The following SHROOM3 variants were observed in gnomAD, a reference collection of about 807,000 sequenced individuals.
The protein encoded by SHROOM3 is protein Shroom3.
In SHROOM3, 47 loss-of-function variants were observed where a neutral mutation model predicts 138.6. The observed-to-expected ratio is 0.34, with a 90% confidence interval of 0.27 to 0.43. SHROOM3 has a LOEUF of 0.43. SHROOM3 is among the 20% of genes least tolerant of loss of function. The probability of loss-of-function intolerance (pLI) is 1.00; values close to 1 mark genes in which losing one functional copy is unlikely to be tolerated. For synonymous variants in SHROOM3, 1,062 were observed against 1,063.3 expected (o/e 1.00, Z 0.02); for missense variants, 2,491 against 2,596.5 (o/e 0.96, Z 0.88).
intron 1 of SHROOM3, among the ~76,000 whole-genome samples, chr4:76,494,590 A>C (rs1436551461): frequency 6.6e-6 from 1 of 152,230 alleles, no homozygotes; most frequent in Non-Finnish European, 1.5e-5. Context: ...ATCAGGCGGA[A>C]CATACTGATA....
chr4:76,739,291 C>T lies in SHROOM3; in HGVS notation c.1118C>T (p.Thr373Met), dbSNP rs138985148. 12 of 1,613,872 alleles carry T rather than the reference C, an allele frequency of 7.4e-6. No homozygotes were observed. The highest frequency in any genetic ancestry group is 2.2e-5 in the East Asian group (1 of 44,892). The change falls in exon 5 of 11, where the codon ACG becomes ATG. Residue 373 changes from threonine to methionine, a missense_variant. Coordinates refer to ENST00000296043, the MANE Select transcript of SHROOM3 (RefSeq NM_020859.4). Reference sequence around the variant, plus strand: ...TGCCCCAGTTCCTTGGAGACTGCCACGGACAACCTTCCTCCTAAGGTGGGT... The same window carrying T: ...TGCCCCAGTTCCTTGGAGACTGCCATGGACAACCTTCCTCCTAAGGTGGGT... Reference protein sequence around the residue: ...QQCPSSLETATDNLPPKVGAP... With the variant: ...QQCPSSLETAMDNLPPKVGAP...
At chr4:76,674,511 TTCTC>T (rs1161418575) in intron 2 of SHROOM3, among the ~76,000 whole-genome samples, 1 of 151,640 alleles carries the variant, frequency 6.6e-6, no homozygotes, top group Non-Finnish European at 1.5e-5. Context: ...ATTTATTTTC[TTCTC>T]TCTCTTTCTC....
At chr4:76,667,513 TCTCA>T (rs1266818158) in intron 2 of SHROOM3, among the ~76,000 whole-genome samples, 1 of 151,970 alleles carries the variant, frequency 6.6e-6, no homozygotes, top group Non-Finnish European at 1.5e-5. Flanking sequence ...AGAAACAAGG[TCTCA>T]CTCTGTTGCT....
At chr4:76,545,066 A>G (rs907147058) in intron 1 of SHROOM3, among the ~76,000 whole-genome samples, 10 of 151,590 alleles carry the variant, frequency 6.6e-5, no homozygotes, top group Admixed American at 6.6e-4. Context: ...CTTTTTGTTC[A>G]GATTCCCTCT....
rs750605726 is a variant in SHROOM3 at position 76,741,339 on chromosome 4, G to A, written c.3166G>A (p.Asp1056Asn). 2 of 1,610,436 alleles carry A rather than the reference G, an allele frequency of 1.2e-6. No individual in the cohort carries two copies. The highest frequency in any genetic ancestry group is 8.5e-7 in the Non-Finnish European group (1 of 1,178,986). ...GCGTTTCCCGGAGAGCAGCGTGGCC[G>A]ACCGGCGCCGTCTCTTCGAGCGCGA... ...GMRFPESSVA[D>N]RRRLFERDGK... The change falls in exon 5 of 11, where the codon GAC (aspartate) becomes AAC (asparagine). Residue 1056 changes from aspartate (D) to asparagine (N), a missense_variant. Around this residue, in one of 4 missense-constraint regions of SHROOM3, gnomAD observed 1,733 missense variants for 1,661.6 expected, o/e 1.04. Coordinates refer to ENST00000296043, the MANE Select transcript of SHROOM3 (RefSeq NM_020859.4). This position sits in a 1 kb window ranked among gnomAD's most constrained non-coding sequence, Gnocchi z 6.2.
Position 76,754,447 on chromosome 4 carries a change from CATCAG to C in SHROOM3, c.3966_3970del (p.His1322GlnfsTer5). Reference sequence around the variant, plus strand: ...TAGTGAATGTCCTGGAACCCTGGACCATCAGAGGCAAGCCAGTAGGACACCCTGCC... The same window carrying C: ...TAGTGAATGTCCTGGAACCCTGGACCAGGCAAGCCAGTAGGACACCCTGCC... On this transcript the variant is annotated frameshift_variant, in exon 7 of 11. Coordinates refer to ENST00000296043, the MANE Select transcript of SHROOM3 (RefSeq NM_020859.4). LOFTEE classifies it high-confidence loss of function. 6.2e-7 allele frequency: 1 copy of C among 1,614,150 alleles called. No individual in the cohort carries two copies. Among genetic ancestry groups the C allele is most frequent in the Non-Finnish European group, 8.5e-7 (1 of 1,180,020 alleles).
At chr4:76,738,488 G>A (rs1721143860) in intron 4 of SHROOM3, among the ~76,000 whole-genome samples, 1 of 152,108 alleles carries the variant, frequency 6.6e-6, no homozygotes, top group Non-Finnish European at 1.5e-5. Flanking sequence ...TGCTGCCTGT[G>A]CCCAAAGGCC....
chr4:76,694,900 A>G (rs1257489821), intron 2 of SHROOM3, among the ~76,000 whole-genome samples: 1 of 152,212 alleles, frequency 6.6e-6, no homozygotes, highest in Non-Finnish European at 1.5e-5. Context: ...AGGTGAGGAA[A>G]CCAAAATCAT....
chr4:76,455,047 G>T (rs1018973425), intron 1 of SHROOM3, among the ~76,000 whole-genome samples: 7 of 151,864 alleles, frequency 4.6e-5, no homozygotes, highest in African/African-American at 1.7e-4. Context: ...GCTTTTTTTG[G>T]TGGAATCTTT....
At chr4:76,457,380 C>T (rs1731048781) in intron 1 of SHROOM3, among the ~76,000 whole-genome samples, 1 of 152,124 alleles carries the variant, frequency 6.6e-6, no homozygotes, top group Non-Finnish European at 1.5e-5. Flanking sequence ...GCCTCATTCC[C>T]CCTTTGCTTT....
rs1032719355 is a variant in SHROOM3 at position 76,610,920 on chromosome 4, C to T, written c.323+55157C>T. ...TGGTGACGAGAGGGGCTGCTTTCCT[C>T]CAAGTTCAGTAGCCCTCCCTCAAAT... On this transcript the variant is annotated intron_variant, in intron 2 of 10. Transcript: ENST00000296043. 2.0e-5 allele frequency among the ~76,000 whole-genome samples: 3 copies of T among 152,106 alleles called. No homozygotes were observed. In the East Asian group the frequency reaches 5.8e-4, roughly 29 times the overall value.
chr4:76,539,828 C>T (rs111727392), intron 1 of SHROOM3, among the ~76,000 whole-genome samples: 3,410 of 152,208 alleles, frequency 0.022, 127 homozygotes, highest in African/African-American at 0.076. Flanking sequence ...TGAAGAAATC[C>T]TTTTACCAGT....
chr4:76,494,662 C>T (rs1731927944), intron 1 of SHROOM3, among the ~76,000 whole-genome samples: 2 of 152,208 alleles, frequency 1.3e-5, no homozygotes, highest in Admixed American at 6.5e-5. Context: ...GGGGTGTCCC[C>T]TCCAAATATT....
In SHROOM3 at chr4:76,537,673, T is replaced by A. The variant is rs1579221193; in HGVS notation, c.169-17936T>A. Reference sequence around the variant, plus strand: ...GGTTCAATATATAATGTGAGAGAGATCCCTTTAAGATTTTTGGTGTTTATG... The same window carrying A: ...GGTTCAATATATAATGTGAGAGAGAACCCTTTAAGATTTTTGGTGTTTATG... On this transcript the variant is annotated intron_variant, in intron 1 of 10. Transcript: ENST00000296043. 3.3e-5 allele frequency among the ~76,000 whole-genome samples: 5 copies of A among 152,174 alleles called. 1 individual carries two copies. Among genetic ancestry groups the A allele is most frequent in the Admixed American group, 3.3e-4 (5 of 15,298 alleles).
At chr4:76,657,552 A>G (rs1736092007) in intron 2 of SHROOM3, among the ~76,000 whole-genome samples, 1 of 152,140 alleles carries the variant, frequency 6.6e-6, no homozygotes, top group South Asian at 2.1e-4. Flanking sequence ...TCTGTTACTC[A>G]TTTATAATTG....
At chr4:76,760,558 A>G (rs1578026943) in intron 9 of SHROOM3, among the ~76,000 whole-genome samples, 2 of 152,248 alleles carry the variant, frequency 1.3e-5, no homozygotes, top group South Asian at 4.1e-4. Flanking sequence ...ATTTCATTTG[A>G]TCTACAATGT....
At chr4:76,709,769 ACC>A in intron 2 of SHROOM3, 1 of 281,754 alleles carries the variant, frequency 3.5e-6, no homozygotes, top group Admixed American at 5.0e-5. Context: ...TTGGTTTCAA[ACC>A]ACCTCGTTTG....
At chr4:76,690,613 G>T (rs985512001) in intron 2 of SHROOM3, among the ~76,000 whole-genome samples, 13 of 152,126 alleles carry the variant, frequency 8.5e-5, no homozygotes, top group Non-Finnish European at 1.9e-4. Context: ...AAGCACCCTG[G>T]TCGGATATAT....
At chr4:76,453,577 G>A (rs1262222485) in intron 1 of SHROOM3, among the ~76,000 whole-genome samples, 1 of 152,068 alleles carries the variant, frequency 6.6e-6, no homozygotes, top group Non-Finnish European at 1.5e-5. Flanking sequence ...ATTCTTAATA[G>A]GTATGATGTG....
Sources: gnomAD v4.1 joint callset for allele counts (sites outside exome capture counted in the v4.1 genomes callset) on GRCh38, gnomAD v4.1.1 for gene constraint, gnomAD v4.1.1 regional missense constraint, Gnocchi (gnomAD v3.1) non-coding constraint, MANE v1.5 for transcripts, NCBI Gene and HGNC (gene_info 2026-07-23, HGNC 2026-07-21) for gene names.